The following CNBD1 variants were observed in gnomAD, a reference collection of about 807,000 sequenced individuals.
CNBD1 encodes cyclic nucleotide-binding domain-containing protein 1.
A neutral mutation model predicts 54.4 loss-of-function variants in CNBD1; 71 were observed. That is an observed-to-expected ratio of 1.30 (90% CI 1.08 to 1.59). The LOEUF is 1.59. Ranked by LOEUF, CNBD1 falls within the 40% of genes most tolerant of loss-of-function variation. The pLI, the probability that CNBD1 is intolerant of heterozygous loss-of-function variation, is 0.00. For missense variants in CNBD1, 659 were observed against 518.0 expected, an observed-to-expected ratio of 1.27 and a Z score of -2.64; for synonymous variants, 182 against 170.7, an observed-to-expected ratio of 1.07 and a Z score of -0.51.
At chr8:87,290,012 T>C (rs1291950810) in intron 8 of CNBD1, among the ~76,000 whole-genome samples, 1 of 152,118 alleles carries the variant, frequency 6.6e-6, no homozygotes, top group African/African-American at 2.4e-5. Flanking sequence ...TTTAATAATT[T>C]TTCACCATAT....
intron 4 of CNBD1, among the ~76,000 whole-genome samples, chr8:87,050,239 G>C (rs914035659): frequency 6.6e-6 from 1 of 152,188 alleles, no homozygotes; most frequent in African/African-American, 2.4e-5. Flanking sequence ...ATTTGGGAAA[G>C]GGGAAAGGAG....
At chr8:87,204,355 GA>G (rs1813925607) in intron 4 of CNBD1, among the ~76,000 whole-genome samples, 2 of 152,140 alleles carry the variant, frequency 1.3e-5, no homozygotes. Context: ...AAGGCCTTCT[GA>G]AAAGGTAGGC....
intron 8 of CNBD1, among the ~76,000 whole-genome samples, chr8:87,292,793 G>A (rs1808811075): frequency 6.6e-6 from 1 of 152,280 alleles, no homozygotes; most frequent in African/African-American, 2.4e-5. Flanking sequence ...AGCTCTCCTT[G>A]CAACCATGGT....
At chr8:87,271,078 C>G (rs192892378) in intron 6 of CNBD1, among the ~76,000 whole-genome samples, 7 of 151,706 alleles carry the variant, frequency 4.6e-5, no homozygotes, top group African/African-American at 9.6e-5. Flanking sequence ...TTGTAATTCT[C>G]TCTAATGATT....
At chr8:87,029,930 T>A (rs556852272) in intron 4 of CNBD1, among the ~76,000 whole-genome samples, 49 of 152,296 alleles carry the variant, frequency 3.2e-4, no homozygotes, top group African/African-American at 1.2e-3. Flanking sequence ...TATACGTGTG[T>A]TCAGCATTTT....
chr8:87,322,489 T>C (rs1254967887), intron 8 of CNBD1, among the ~76,000 whole-genome samples: 3 of 122,358 alleles, frequency 2.5e-5, no homozygotes, highest in Non-Finnish European at 3.6e-5. Flanking sequence ...TTTTAATGAT[T>C]GCCATTCTAA....
chr8:87,068,295 A>G (rs1041123653), intron 4 of CNBD1, among the ~76,000 whole-genome samples: 10 of 152,064 alleles, frequency 6.6e-5, no homozygotes, highest in African/African-American at 2.2e-4. Context: ...GAATGGATCT[A>G]ATAAAATTTT....
intron 6 of CNBD1, among the ~76,000 whole-genome samples, chr8:87,272,894 T>G (rs368895076): frequency 2.0e-5 from 3 of 151,944 alleles, no homozygotes; most frequent in South Asian, 4.1e-4. Flanking sequence ...AAATTTCACA[T>G]TATAACACAG....
intron 4 of CNBD1, among the ~76,000 whole-genome samples, chr8:87,040,000 C>G (rs1252109135): frequency 6.6e-6 from 1 of 152,198 alleles, no homozygotes; most frequent in Non-Finnish European, 1.5e-5. Flanking sequence ...CCATCAAATA[C>G]AGGGTCTGCA....
chr8:86,954,334 A>G (rs1807703811), intron 4 of CNBD1, among the ~76,000 whole-genome samples: 1 of 152,208 alleles, frequency 6.6e-6, no homozygotes, highest in East Asian at 1.9e-4. Flanking sequence ...ATAACACTTC[A>G]TAAGTTTTTG....
chr8:87,389,956 A>C (rs1402851094), intron 2 of CNBD1, among the ~76,000 whole-genome samples: 1 of 151,964 alleles, frequency 6.6e-6, no homozygotes. Flanking sequence ...TATCTACAAC[A>C]ATCTGATCTT....
intron 6 of CNBD1, among the ~76,000 whole-genome samples, chr8:87,237,914 A>C (rs947366917): frequency 3.9e-5 from 6 of 152,186 alleles, no homozygotes; most frequent in Non-Finnish European, 7.4e-5. Context: ...CACATGAATG[A>C]ATGATGTTTC....
intron 4 of CNBD1, among the ~76,000 whole-genome samples, chr8:87,205,595 TAAGAATA>T (rs1813955621): frequency 6.6e-6 from 1 of 152,176 alleles, no homozygotes; most frequent in Non-Finnish European, 1.5e-5. Context: ...TTAAAAGAAT[TAAGAATA>T]AACAGTGGAA....
intron 6 of CNBD1, among the ~76,000 whole-genome samples, chr8:87,240,424 C>T (rs1326247079): frequency 6.6e-6 from 1 of 151,976 alleles, no homozygotes; most frequent in Non-Finnish European, 1.5e-5. Context: ...AGTTTTCAAA[C>T]AAGTGGTGTA....
chr8:87,064,017 T>G (rs1810596186), intron 4 of CNBD1, among the ~76,000 whole-genome samples: 1 of 152,052 alleles, frequency 6.6e-6, no homozygotes, highest in Non-Finnish European at 1.5e-5. Flanking sequence ...TAGGTTTCTC[T>G]TATATACAAT....
At chr8:87,328,047 C>G (rs962201776) in intron 8 of CNBD1, among the ~76,000 whole-genome samples, 1 of 151,706 alleles carries the variant, frequency 6.6e-6, no homozygotes, top group Admixed American at 6.6e-5. Context: ...TATATATATA[C>G]CATGGTGGTT....
At chr8:87,232,030 A>T (rs1039077928) in intron 5 of CNBD1, among the ~76,000 whole-genome samples, 5 of 152,152 alleles carry the variant, frequency 3.3e-5, no homozygotes, top group African/African-American at 1.2e-4. Context: ...GTCAGACAGC[A>T]TGTACCCTTT....
At chr8:86,927,535 G>T (rs1040338227) in intron 3 of CNBD1, among the ~76,000 whole-genome samples, 1 of 152,146 alleles carries the variant, frequency 6.6e-6, no homozygotes, top group Admixed American at 6.6e-5. Flanking sequence ...TGATGGGATA[G>T]TAGGTGCCCC....
intron 4 of CNBD1, among the ~76,000 whole-genome samples, chr8:87,200,897 C>T (rs1209619070): frequency 2.0e-5 from 3 of 152,144 alleles, no homozygotes; most frequent in Non-Finnish European, 4.4e-5. Flanking sequence ...CATCCCAACT[C>T]GTTCTATGAA....
Sources: allele counts gnomAD v4.1 joint callset (sites outside exome capture counted in the v4.1 genomes callset), GRCh38; gene constraint gnomAD v4.1.1; transcripts MANE v1.5; gene names NCBI Gene and HGNC (gene_info 2026-07-23, HGNC 2026-07-21).